TACR3: variants seen among roughly 807,000 people sequenced by gnomAD.
TACR3 encodes tachykinin receptor 3.
In TACR3, 34 loss-of-function variants were observed where a neutral mutation model predicts 35.0. That is an observed-to-expected ratio of 0.97 (90% CI 0.74 to 1.30). TACR3 has a LOEUF of 1.30. Ranked by LOEUF, TACR3 falls within the 50% of genes most tolerant of loss-of-function variation. The pLI, the probability that TACR3 is intolerant of heterozygous loss-of-function variation, is 0.00. For synonymous variants in TACR3, 233 were observed against 221.1 expected (o/e 1.05, Z -0.48); for missense variants, 558 against 591.7 (o/e 0.94, Z 0.59).
At chr4:103,712,336 T>C (rs1203450801) in intron 1 of TACR3, among the ~76,000 whole-genome samples, 1 of 152,196 alleles carries the variant, frequency 6.6e-6, no homozygotes, top group African/African-American at 2.4e-5. Flanking sequence ...TACAACCATC[T>C]GATCTTTGAC....
chr4:103,651,040 A>G lies in TACR3; in HGVS notation c.888+5154T>C, dbSNP rs978844350. Among the ~76,000 whole-genome samples the G allele has an allele frequency of 1.9e-4, 24 of 126,122 alleles. 5 individuals are homozygous for G. Among genetic ancestry groups the G allele is most frequent in the African/African-American group, 7.3e-4 (23 of 31,450 alleles). 82.7% of individuals were successfully genotyped at this position (126,122 alleles called of 152,430 possible). On this transcript the variant is annotated intron_variant, in intron 3 of 4. Transcript: ENST00000304883. ...ATATATCTTATATATAATAATATAT[A>G]TATAAAATAATGACCACCTGGCTAC...
At chr4:103,653,313 T>TAA (rs146261274) in intron 3 of TACR3, among the ~76,000 whole-genome samples, 7 of 149,618 alleles carry the variant, frequency 4.7e-5, no homozygotes, top group African/African-American at 1.7e-4. Flanking sequence ...GAGACAAAAT[T>TAA]AAAAAAAAAA....
chr4:103,606,786 C>A (rs1311693477), intron 3 of TACR3, among the ~76,000 whole-genome samples: 1 of 152,126 alleles, frequency 6.6e-6, no homozygotes, highest in African/African-American at 2.4e-5. Flanking sequence ...ATTTGACTTC[C>A]TCTTTTCCTA....
intron 3 of TACR3, 24 bp downstream of exon 3, chr4:103,656,170 T>TAG (rs1237972802): frequency 6.2e-7 from 1 of 1,612,128 alleles, no homozygotes; most frequent in Non-Finnish European, 8.5e-7. Context: ...ATACAAATGC[T>TAG]AGGTAAACAA....
At chr4:103,711,274 C>T (rs1182596797) in intron 1 of TACR3, among the ~76,000 whole-genome samples, 1 of 152,168 alleles carries the variant, frequency 6.6e-6, no homozygotes, top group Non-Finnish European at 1.5e-5. Flanking sequence ...CCCAGCAGCA[C>T]ATCAAAAAGC....
intron 1 of TACR3, among the ~76,000 whole-genome samples, chr4:103,708,326 A>G (rs55766404): frequency 0.12 from 17,741 of 152,170 alleles, 1,342 homozygotes; most frequent in East Asian, 0.37. Flanking sequence ...CGATCATTCC[A>G]GCAGCAACAT....
intron 3 of TACR3, among the ~76,000 whole-genome samples, chr4:103,639,288 G>T (rs1385697830): frequency 6.6e-6 from 1 of 152,080 alleles, no homozygotes; most frequent in African/African-American, 2.4e-5. Context: ...CATGTCCTTT[G>T]TAGTGACATG....
intron 3 of TACR3, among the ~76,000 whole-genome samples, chr4:103,653,168 A>G (rs572518737): frequency 6.6e-6 from 1 of 152,228 alleles, no homozygotes; most frequent in East Asian, 1.9e-4. Context: ...TATAAACTGG[A>G]ACTTTAAAAT....
chr4:103,599,938 G>T (rs36148493), intron 3 of TACR3, among the ~76,000 whole-genome samples: 2 of 151,898 alleles, frequency 1.3e-5, no homozygotes, highest in South Asian at 2.1e-4. Context: ...TGTCTCTGCT[G>T]GGCTTTGGTA....
chr4:103,665,341 CA>C (rs1306594898), intron 1 of TACR3, among the ~76,000 whole-genome samples: 1 of 145,222 alleles, frequency 6.9e-6, no homozygotes, highest in Non-Finnish European at 1.5e-5. Flanking sequence ...TGTCAAGAAA[CA>C]AATCACTTGT....
At chr4:103,642,707 A>C (rs914400292) in intron 3 of TACR3, among the ~76,000 whole-genome samples, 10 of 151,914 alleles carry the variant, frequency 6.6e-5, no homozygotes, top group African/African-American at 2.4e-4. Flanking sequence ...GGATACGTAC[A>C]TACAGGTAGA....
intron 3 of TACR3, among the ~76,000 whole-genome samples, chr4:103,597,831 T>G (rs137926762): frequency 0.015 from 2,225 of 152,316 alleles, 50 homozygotes; most frequent in African/African-American, 0.051. Context: ...ATGTGCCACA[T>G]TTTCTTAATT....
intron 3 of TACR3, among the ~76,000 whole-genome samples, chr4:103,631,166 G>T (rs1725052836): frequency 6.6e-6 from 1 of 152,028 alleles, no homozygotes; most frequent in African/African-American, 2.4e-5. Flanking sequence ...ATCACACATG[G>T]GGGCCTGTCG....
chr4:103,718,881 A>T (rs1723146887), intron 1 of TACR3, among the ~76,000 whole-genome samples: 1 of 152,172 alleles, frequency 6.6e-6, no homozygotes, highest in Non-Finnish European at 1.5e-5. Flanking sequence ...CACCTTCTTC[A>T]GTCCCTCTAG....
At chr4:103,619,185 T>G (rs557512417) in intron 3 of TACR3, among the ~76,000 whole-genome samples, 4 of 152,236 alleles carry the variant, frequency 2.6e-5, no homozygotes, top group African/African-American at 9.6e-5. Context: ...TGAAGAGAGA[T>G]AGCGTGACTT....
At chr4:103,625,089 C>T (rs983065136) in intron 3 of TACR3, among the ~76,000 whole-genome samples, 5 of 151,950 alleles carry the variant, frequency 3.3e-5, no homozygotes, top group African/African-American at 4.8e-5. Flanking sequence ...AATTTTATGC[C>T]GTGAGAGACA....
chr4:103,710,287 C>T (rs1019190941), intron 1 of TACR3, among the ~76,000 whole-genome samples: 36 of 152,238 alleles, frequency 2.4e-4, no homozygotes, highest in African/African-American at 7.5e-4. Context: ...TATAAAAGAA[C>T]AGAAATTATA....
chr4:103,590,773 C>T (rs2110282746), intron 4 of TACR3, among the ~76,000 whole-genome samples: 1 of 152,244 alleles, frequency 6.6e-6, no homozygotes, highest in Non-Finnish European at 1.5e-5. Flanking sequence ...AAATTTAACC[C>T]TATCCCTTCA....
intron 3 of TACR3, among the ~76,000 whole-genome samples, chr4:103,603,348 T>A (rs1724257943): frequency 6.6e-6 from 1 of 152,192 alleles, no homozygotes. Flanking sequence ...ACTTCCCGGG[T>A]GAGGTTATGC....
Sources: gnomAD v4.1 joint callset for allele counts (sites outside exome capture counted in the v4.1 genomes callset) on GRCh38, gnomAD v4.1.1 for gene constraint, MANE v1.5 for transcripts, NCBI Gene and HGNC (gene_info 2026-07-23, HGNC 2026-07-21) for gene names.